The following HDAC9 variants were observed in gnomAD, a reference collection of about 807,000 sequenced individuals.
HDAC9 encodes the protein MEF-2 interacting transcription repressor (MITR) protein.
A neutral mutation model predicts 139.4 loss-of-function variants in HDAC9; 41 were observed. The ratio of observed to expected loss-of-function variants is 0.29; its 90% CI spans 0.23 to 0.38. The LOEUF is 0.38. HDAC9 is among the 10% of genes least tolerant of loss of function. The pLI, the probability that HDAC9 is intolerant of heterozygous loss-of-function variation, is 1.00. For missense variants in HDAC9, 1,147 were observed against 1,297.0 expected (o/e 0.88, Z 1.78); for synonymous variants, 517 against 476.2 (o/e 1.09, Z -1.12).
chr7:18,479,717 A>G (rs1394363510), intron 1 of HDAC9, among the ~76,000 whole-genome samples: 3 of 151,878 alleles, frequency 2.0e-5, no homozygotes, highest in Middle Eastern at 3.4e-3. Flanking sequence ...GTATCTCCCT[A>G]TTTTTTTCTT....
At chr7:18,271,602 G>C (rs1796361038) in intron 2 of HDAC9, among the ~76,000 whole-genome samples, 1 of 152,094 alleles carries the variant, frequency 6.6e-6, no homozygotes, top group South Asian at 2.1e-4. Flanking sequence ...GCATCCCTCA[G>C]CATGAAGCAC....
chr7:18,174,748 T>C (rs1788741236), intron 2 of HDAC9, among the ~76,000 whole-genome samples: 1 of 152,188 alleles, frequency 6.6e-6, no homozygotes, highest in Non-Finnish European at 1.5e-5. Flanking sequence ...GGAGGTCCTC[T>C]CCAGACGCCG....
chr7:18,985,806 T>C lies in HDAC9; in HGVS notation c.3170+9853T>C, dbSNP rs1363375559. 2.2e-5 allele frequency among the ~76,000 whole-genome samples: 3 copies of C among 136,768 alleles called. No individual in the cohort carries two copies. In the East Asian group the frequency reaches 5.9e-4, roughly 27 times the overall value. 89.7% of individuals were successfully genotyped at this position (136,768 alleles called of 152,430 possible). A position where few individuals can be genotyped will look rare whatever the true frequency, so the allele number is the denominator to read the frequency against. The stretch of plus-strand genomic sequence containing the variant: ...ATCTCATTGTGGTTTTGATTTGCAT[T>C]TCTCTGATGGCCAGTGATGGTGAGC... On this transcript the variant is annotated intron_variant, in intron 25 of 25. Transcript: ENST00000686413.
chr7:18,305,031 A>C (rs555237548), intron 1 of HDAC9, among the ~76,000 whole-genome samples: 1 of 151,964 alleles, frequency 6.6e-6, no homozygotes, highest in Non-Finnish European at 1.5e-5. Context: ...TCTTTATAGG[A>C]TAAGAAATCA....
chr7:18,142,062 T>A (rs1785938305), intron 1 of HDAC9, among the ~76,000 whole-genome samples: 1 of 151,734 alleles, frequency 6.6e-6, no homozygotes, highest in Non-Finnish European at 1.5e-5. Context: ...AAATCCTAAT[T>A]GAGTGACAAG....
chr7:18,189,113 A>G (rs186685384), intron 2 of HDAC9, among the ~76,000 whole-genome samples: 3 of 152,226 alleles, frequency 2.0e-5, no homozygotes, highest in Non-Finnish European at 4.4e-5. Context: ...TCAATGATAG[A>G]CTGGCTAAAG....
chr7:18,787,225 T>C lies in HDAC9; in HGVS notation c.2215-6120T>C, dbSNP rs148197638. 9.2e-5 allele frequency among the ~76,000 whole-genome samples: 14 copies of C among 152,222 alleles called. No homozygotes were observed. In the East Asian group the frequency reaches 2.5e-3, roughly 27 times the overall value. ...GCCTCCTCCTCTGATGACTAAATCT[T>C]TCTTATGGGCCAAGCTCCTGTGACT... On this transcript the variant is annotated intron_variant, in intron 16 of 25. Transcript: ENST00000686413.
chr7:18,923,785 C>A (rs1331100949), intron 22 of HDAC9, among the ~76,000 whole-genome samples: 1 of 151,972 alleles, frequency 6.6e-6, no homozygotes, highest in Non-Finnish European at 1.5e-5. Context: ...TTTTCATGTC[C>A]CACACCTCCA....
intron 1 of HDAC9, among the ~76,000 whole-genome samples, chr7:18,352,662 T>C (rs1782938958): frequency 6.6e-6 from 1 of 152,116 alleles, no homozygotes; most frequent in Non-Finnish European, 1.5e-5. Flanking sequence ...TCTTTTTCGT[T>C]ATGATGGTTA....
intron 21 of HDAC9, among the ~76,000 whole-genome samples, chr7:18,857,388 G>A (rs948191988): frequency 7.2e-6 from 1 of 139,516 alleles, no homozygotes; most frequent in Non-Finnish European, 1.5e-5. Flanking sequence ...CTAGTTCCTG[G>A]AGTGAAATGT....
At chr7:18,896,923 G>A (rs78396488) in intron 22 of HDAC9, among the ~76,000 whole-genome samples, 1,668 of 151,926 alleles carry the variant, frequency 0.011, 32 homozygotes, top group African/African-American at 0.039. Context: ...TTTCCACTGA[G>A]GAAAATTCAT....
At chr7:18,191,465 A>T (rs915537268) in intron 2 of HDAC9, among the ~76,000 whole-genome samples, 1 of 152,208 alleles carries the variant, frequency 6.6e-6, no homozygotes, top group Non-Finnish European at 1.5e-5. Context: ...TCCTGAGAGA[A>T]TGATTTTAGA....
intron 8 of HDAC9, among the ~76,000 whole-genome samples, chr7:18,638,116 T>C (rs1479675110): frequency 6.6e-6 from 1 of 152,080 alleles, no homozygotes; most frequent in Non-Finnish European, 1.5e-5. Flanking sequence ...ATTGGCTTAT[T>C]TTACTGTTTT....
At chr7:18,661,627 T>A (rs1199955497) in intron 11 of HDAC9, among the ~76,000 whole-genome samples, 1 of 152,122 alleles carries the variant, frequency 6.6e-6, no homozygotes, top group East Asian at 1.9e-4. Flanking sequence ...TTTTTAAGAA[T>A]GTTATTAAAA....
At chr7:18,849,780 G>A (rs371188894) in intron 21 of HDAC9, among the ~76,000 whole-genome samples, 2 of 152,080 alleles carry the variant, frequency 1.3e-5, no homozygotes, top group South Asian at 2.1e-4. Context: ...AGCACACCCC[G>A]AAATAAGACA....
chr7:18,741,438 G>A (rs1787442741), intron 13 of HDAC9, among the ~76,000 whole-genome samples: 1 of 152,158 alleles, frequency 6.6e-6, no homozygotes, highest in African/African-American at 2.4e-5. Context: ...TCCGTTTAGA[G>A]TGTGGTTTAT....
chr7:18,509,451 G>A (rs751716580), intron 2 of HDAC9: 11 of 985,390 alleles, frequency 1.1e-5, no homozygotes, highest in Non-Finnish European at 1.3e-5. Flanking sequence ...AAAATGGTTA[G>A]TGGTGACTTG....
At chr7:18,600,412 T>C (rs1457621997) in intron 6 of HDAC9, among the ~76,000 whole-genome samples, 1 of 152,222 alleles carries the variant, frequency 6.6e-6, no homozygotes, top group Non-Finnish European at 1.5e-5. Context: ...CTAGAAGTTT[T>C]ACAATATTTC....
chr7:18,576,851 A>G (rs1826124402), intron 2 of HDAC9, among the ~76,000 whole-genome samples: 1 of 152,172 alleles, frequency 6.6e-6, no homozygotes, highest in South Asian at 2.1e-4. Flanking sequence ...TGAGTTGCAC[A>G]TTTGGTGGAA....
Sources: gnomAD v4.1 joint callset for allele counts (sites outside exome capture counted in the v4.1 genomes callset) on GRCh38, gnomAD v4.1.1 for gene constraint, MANE v1.5 for transcripts, NCBI Gene and HGNC (gene_info 2026-07-23, HGNC 2026-07-21) for gene names.